COX7A2L: variants seen among roughly 807,000 people sequenced by gnomAD.
The protein encoded by COX7A2L is cytochrome c oxidase subunit 7A2-like, mitochondrial.
Under a neutral mutation model 14.2 loss-of-function variants are expected in COX7A2L, and 18 were observed. The observed-to-expected ratio is 1.27, with a 90% CI of 0.88 to 1.88. COX7A2L has a LOEUF of 1.88. COX7A2L is among the 40% of genes most tolerant of loss of function. The probability of loss-of-function intolerance (pLI) is 0.00; values close to 1 mark genes in which losing one functional copy is unlikely to be tolerated. For synonymous variants in COX7A2L, 65 were observed against 57.4 expected (o/e 1.13, Z -0.60); for missense variants, 179 against 138.8 (o/e 1.29, Z -1.46).
chr2:42,346,687 G>A (rs1670503996), downstream of COX7A2L, among the ~76,000 whole-genome samples: 1 of 151,754 alleles, frequency 6.6e-6, no homozygotes, highest in Non-Finnish European at 1.5e-5. Flanking sequence ...TTGAGCCCAG[G>A]AGGTCAAGAC....
At chr2:42,346,658 G>C (rs1438532579), downstream of COX7A2L, among the ~76,000 whole-genome samples, 2 of 151,994 alleles carry the variant, frequency 1.3e-5, no homozygotes, top group Non-Finnish European at 2.9e-5. Flanking sequence ...CCACTACTTA[G>C]GAGGGTGAGG....
chr2:42,356,622 G>C (rs1670826735), intron 1 of COX7A2L, among the ~76,000 whole-genome samples: 1 of 152,210 alleles, frequency 6.6e-6, no homozygotes, highest in Non-Finnish European at 1.5e-5. Context: ...ACAACTGAAA[G>C]CTGTTCTTAT....
intron 2 of COX7A2L, among the ~76,000 whole-genome samples, chr2:42,336,525 C>T (rs1670277354): frequency 6.6e-6 from 1 of 152,138 alleles, no homozygotes; most frequent in African/African-American, 2.4e-5. Flanking sequence ...CATCCCATCT[C>T]ATGCTTGACT....
chr2:42,352,994 T>TA, intron 2 of COX7A2L: 3 of 600,484 alleles, frequency 5.0e-6, no homozygotes, highest in Non-Finnish European at 8.5e-6. Context: ...CTCACACCCT[T>TA]AAATACTAAT....
intron 1 of COX7A2L, among the ~76,000 whole-genome samples, chr2:42,357,469 C>G (rs1670860075): frequency 6.6e-6 from 1 of 152,096 alleles, no homozygotes. Context: ...TCACCATACC[C>G]AGCTAATTTT....
chr2:42,337,974 T>G (rs1444180221), intron 2 of COX7A2L, among the ~76,000 whole-genome samples: 1 of 152,092 alleles, frequency 6.6e-6, no homozygotes, highest in East Asian at 1.9e-4. Flanking sequence ...GGAGAACCCC[T>G]AGCATGGCGT....
chr2:42,345,209 C>G (rs1670471945), downstream of COX7A2L, among the ~76,000 whole-genome samples: 1 of 151,620 alleles, frequency 6.6e-6, no homozygotes, highest in Non-Finnish European at 1.5e-5. Flanking sequence ...ATGGAGAAAC[C>G]CTGTCTCTAC....
intron 1 of COX7A2L, among the ~76,000 whole-genome samples, chr2:42,356,323 C>T (rs529681515): frequency 6.6e-6 from 1 of 152,318 alleles, no homozygotes; most frequent in Admixed American, 6.5e-5. Flanking sequence ...CTCCACAGCA[C>T]TTATCACCAC....
At chr2:42,360,144 TCTAA>T (rs1217575515) in intron 1 of COX7A2L, 1 of 152,274 alleles carries the variant, frequency 6.6e-6, no homozygotes, top group Non-Finnish European at 1.5e-5. Flanking sequence ...ACTACTGCAG[TCTAA>T]CTGCGTATCT....
chr2:42,348,853 G>A (rs974760916), downstream of COX7A2L, among the ~76,000 whole-genome samples: 1 of 152,104 alleles, frequency 6.6e-6, no homozygotes, highest in Non-Finnish European at 1.5e-5. Context: ...GAGAGGCGGA[G>A]ATTGCAGTGA....
chr2:42,363,661 A>C (rs1671104350), upstream of COX7A2L, among the ~76,000 whole-genome samples: 1 of 152,232 alleles, frequency 6.6e-6, no homozygotes, highest in African/African-American at 2.4e-5. Context: ...CTCATTTCCC[A>C]AATAAAACAC....
chr2:42,344,575 C>T (rs565726479), downstream of COX7A2L, among the ~76,000 whole-genome samples: 13 of 152,242 alleles, frequency 8.5e-5, no homozygotes, highest in African/African-American at 3.1e-4. Context: ...GTCGCAGGCC[C>T]GGCGCGGTGG....
At position 42,338,310 on chromosome 2, in the gene COX7A2L, G is replaced by A. The variant is rs969942943; in HGVS notation, c.193-4441C>T. On this transcript the variant is annotated intron_variant, in intron 2 of 2. Transcript: ENST00000468711. The surrounding 1 kb of genome is among the most constrained non-coding windows in gnomAD (Gnocchi z 4.4). The stretch of plus-strand genomic sequence containing the variant: ...CCATCCAGCCTCTGCCTTTCCTTGC[G>A]TGTCTGGGCTGAATCAGCTTCCCTT... Among the ~76,000 whole-genome samples, 13 of 152,118 alleles carry A rather than the reference G, an allele frequency of 8.5e-5. No homozygotes were observed. The highest frequency in any genetic ancestry group is 2.2e-4 in the African/African-American group (9 of 41,426).
At chr2:42,356,527 G>A (rs10206058) in intron 1 of COX7A2L, among the ~76,000 whole-genome samples, 99,292 of 152,186 alleles carry the variant, frequency 0.65, 32,805 homozygotes, top group East Asian at 0.74. Context: ...TAGCTTCACA[G>A]TGTAGGTTTG....
At chr2:42,349,075 C>A (rs1040445442), downstream of COX7A2L, among the ~76,000 whole-genome samples, 2 of 152,118 alleles carry the variant, frequency 1.3e-5, no homozygotes, top group African/African-American at 2.4e-5. Context: ...AAATGTTAAA[C>A]AGAGTTACCA....
chr2:42,361,461 C>A (rs967339325), upstream of COX7A2L: 3 of 282,104 alleles, frequency 1.1e-5, no homozygotes. Flanking sequence ...GGCAGTGCCA[C>A]GACAACTCAA....
At chr2:42,359,893 T>C (rs1036228767) in intron 1 of COX7A2L, 2 of 149,456 alleles carry the variant, frequency 1.3e-5, no homozygotes, top group African/African-American at 4.9e-5. Context: ...ATTAGAATCA[T>C]CTGTTTTTGT....
rs910172934 is a variant in COX7A2L, at chr2:42,351,141, A to T, written c.*78T>A. On this transcript the variant is annotated 3_prime_UTR_variant, in exon 3 of 3. Coordinates refer to ENST00000234301, the MANE Select transcript of COX7A2L (RefSeq NM_004718.4). ...AATGTTAAGCCATCCAAGTAAAAAAAAAAATTTTAATTTAACAATGAAAAA... is the reference window on the plus strand; with the variant it reads ...AATGTTAAGCCATCCAAGTAAAAAATAAAATTTTAATTTAACAATGAAAAA... 9 of 1,465,810 alleles carry T rather than the reference A, an allele frequency of 6.1e-6. No homozygotes were observed. The Admixed American group carries it at 1.5e-4, about 24-fold the overall frequency. 90.8% of individuals were successfully genotyped at this position (1,465,810 alleles called of 1,614,324 possible).
At chr2:42,343,593 G>A (rs1205990932) in intron 2 of COX7A2L, among the ~76,000 whole-genome samples, 2 of 152,308 alleles carry the variant, frequency 1.3e-5, no homozygotes, top group African/African-American at 4.8e-5. Context: ...CAGCCTAGGA[G>A]GTGTGGAGGC....
Sources: gnomAD v4.1 joint callset for allele counts (sites outside exome capture counted in the v4.1 genomes callset) on GRCh38, gnomAD v4.1.1 for gene constraint, Gnocchi (gnomAD v3.1) non-coding constraint, MANE v1.5 for transcripts, NCBI Gene and HGNC (gene_info 2026-07-23, HGNC 2026-07-21) for gene names.